The following GRK5 variants were observed in gnomAD, a reference collection of about 807,000 sequenced individuals.
GRK5 encodes the protein g protein-coupled receptor kinase GRK5.
A neutral mutation model predicts 78.4 loss-of-function variants in GRK5; 40 were observed. That is an observed-to-expected ratio of 0.51 (90% confidence interval 0.40 to 0.66). GRK5 has a LOEUF of 0.66. Among genes scored for constraint, GRK5 ranks in the 30% least tolerant of loss-of-function variants. The pLI, the probability that GRK5 is intolerant of heterozygous loss-of-function variation, is 0.00. For synonymous variants in GRK5, 289 were observed against 296.8 expected, an observed-to-expected ratio of 0.97 and a Z score of 0.27; for missense variants, 598 against 759.9, an observed-to-expected ratio of 0.79 and a Z score of 2.50.
In GRK5 at chr10:119,321,740, T is replaced by TC. The variant is rs1162274182; in HGVS notation, c.53-4771dup. Among the ~76,000 whole-genome samples, 9 of 152,118 alleles carry TC rather than the reference T, an allele frequency of 5.9e-5. No individual in the cohort carries two copies. In the South Asian group the frequency reaches 6.2e-4, roughly 11 times the overall value. On this transcript the variant is annotated intron_variant, in intron 1 of 15. Coordinates refer to ENST00000392870, the MANE Select transcript of GRK5 (RefSeq NM_005308.3). ...GAGGGCGTTATCCTGCCCACCACAG[T>TC]CCCCCTGCCCTATTCTGGAAGCTGA...
In GRK5 at chr10:119,379,028, G is replaced by A. The variant is rs926193228; in HGVS notation, c.149-1787G>A. ...TGCCTGTCTCCGTAGCATGGGAGGC[G>A]TCAGCTCCCCTTTTAGATTCAGAGG... On this transcript the variant is annotated intron_variant, in intron 2 of 15. Transcript: ENST00000392870. The surrounding 1 kb of genome is among the most constrained non-coding windows in gnomAD (Gnocchi z 4.1). Among the ~76,000 whole-genome samples, 2 of 152,222 alleles carry A rather than the reference G, an allele frequency of 1.3e-5. No homozygotes were observed. Among genetic ancestry groups the A allele is most frequent in the African/African-American group, 4.8e-5 (2 of 41,458 alleles).
chr10:119,306,957 C>T (rs1330942023), intron 1 of GRK5, among the ~76,000 whole-genome samples: 2 of 152,046 alleles, frequency 1.3e-5, no homozygotes, highest in Non-Finnish European at 2.9e-5. Flanking sequence ...CTCACTTTTT[C>T]TCCCTGGGCC....
At chr10:119,214,566 C>CTGTA (rs957927468) in intron 1 of GRK5, among the ~76,000 whole-genome samples, 15 of 152,218 alleles carry the variant, frequency 9.9e-5, no homozygotes, top group African/African-American at 3.6e-4. Context: ...GTCACCCAGT[C>CTGTA]TGTAGTGCAG....
In GRK5 at chr10:119,428,701, A is replaced by T. The variant is rs530098301; in HGVS notation, c.534-1674A>T. Among the ~76,000 whole-genome samples the T allele has an allele frequency of 6.6e-5, 10 of 152,256 alleles. No homozygotes were observed. The South Asian group carries it at 1.9e-3, about 28-fold the overall frequency. On this transcript the variant is annotated intron_variant, in intron 6 of 15. Coordinates refer to ENST00000392870, the MANE Select transcript of GRK5 (RefSeq NM_005308.3). ...TGCACCAAACACATGAAATGGAGAA[A>T]TTATCCTTTTTACTCTGTGGCCTGA...
intron 1 of GRK5, among the ~76,000 whole-genome samples, chr10:119,224,570 C>G (rs554756419): frequency 6.6e-6 from 1 of 151,970 alleles, no homozygotes. Context: ...CCACCATGCC[C>G]GGCTAACTTT....
rs867976071 is a variant in GRK5, at chr10:119,264,340, T to A, written c.52+56371T>A. The stretch of plus-strand genomic sequence containing the variant: ...CAGGGCATTTGTTGGCACATGTGCT[T>A]GGGAAGTTGAGTCCTGGGTGGGGCT... On this transcript the variant is annotated intron_variant, in intron 1 of 15. Transcript: ENST00000392870. The surrounding 1 kb of genome is among the most constrained non-coding windows in gnomAD (Gnocchi z 4.1). Among the ~76,000 whole-genome samples, 1 of 152,194 alleles carries A rather than the reference T, an allele frequency of 6.6e-6. No homozygotes were observed. Among genetic ancestry groups the A allele is most frequent in the East Asian group, 1.9e-4 (1 of 5,192 alleles).
chr10:119,207,906 C>G lies in GRK5; in HGVS notation c.-12C>G. ...CCCGCCGGCCGGCTCCGTTGCTGAC[C>G]GCCGACTGTCAATGGAGCTGGAAAA... On this transcript the variant is annotated 5_prime_UTR_variant, in exon 1 of 16. Transcript: ENST00000392870. The G allele has an allele frequency of 6.3e-7, 1 of 1,596,906 alleles. No individual in the cohort carries two copies. The highest frequency in any genetic ancestry group is 8.5e-7 in the Non-Finnish European group (1 of 1,173,458).
At chr10:119,360,782 G>T (rs1417414209) in intron 2 of GRK5, among the ~76,000 whole-genome samples, 1 of 152,188 alleles carries the variant, frequency 6.6e-6, no homozygotes, top group Admixed American at 6.5e-5. Flanking sequence ...CCGGCCCGGG[G>T]CCCTTTGCTC....
chr10:119,226,200 G>A (rs1300237470), intron 1 of GRK5, among the ~76,000 whole-genome samples: 9 of 151,452 alleles, frequency 5.9e-5, no homozygotes, highest in Admixed American at 5.9e-4. Flanking sequence ...GTCTGGGCTC[G>A]AACTCCTGAC....
chr10:119,446,127 C>T (rs935977082), intron 12 of GRK5, among the ~76,000 whole-genome samples: 3 of 152,144 alleles, frequency 2.0e-5, no homozygotes, highest in South Asian at 4.2e-4. Context: ...CCAGGAAGCC[C>T]GCTCTGCCTG....
At chr10:119,289,740 C>T (rs76962887) in intron 1 of GRK5, among the ~76,000 whole-genome samples, 20,597 of 152,184 alleles carry the variant, frequency 0.14, 1,459 homozygotes, top group Middle Eastern at 0.17. Flanking sequence ...TTTTAGGCAC[C>T]GGCTGAGCTA....
In GRK5 at chr10:119,452,674, C is replaced by T. The variant is rs775975806; in HGVS notation, c.1408C>T (p.Arg470Cys). The T allele has an allele frequency of 6.8e-6, 11 of 1,614,052 alleles. No homozygotes were observed. The highest frequency in any genetic ancestry group is 3.3e-5 in the Admixed American group (2 of 60,028). The change falls in exon 14 of 16, where the codon CGC becomes TGC. Residue 470 changes from arginine to cysteine, a missense_variant. Transcript: ENST00000392870. The surrounding 1 kb of genome is among the most constrained non-coding windows in gnomAD (Gnocchi z 4.4). The part of the protein sequence containing the change: ...MLDPPFVPDP[R>C]AVYCKDVLDI... ...ACCGGCCCTCTGCCCCTGGCAGCCC[C>T]GCGCTGTGTACTGTAAGGACGTGCT...
intron 6 of GRK5, among the ~76,000 whole-genome samples, chr10:119,425,938 C>T (rs1258844260): frequency 6.6e-6 from 1 of 152,126 alleles, no homozygotes; most frequent in Non-Finnish European, 1.5e-5. Context: ...GCCCCCAGCG[C>T]AGTGCTCTGC....
At chr10:119,299,804 G>A (rs996208858) in intron 1 of GRK5, among the ~76,000 whole-genome samples, 24 of 151,626 alleles carry the variant, frequency 1.6e-4, no homozygotes, top group Non-Finnish European at 1.5e-5. Context: ...ATGTGTGTGT[G>A]TGTGTGTGTG....
intron 1 of GRK5, among the ~76,000 whole-genome samples, chr10:119,297,420 CA>C (rs1342961567): frequency 2.0e-5 from 3 of 152,308 alleles, no homozygotes; most frequent in Non-Finnish European, 4.4e-5. Flanking sequence ...CCCCACTGTA[CA>C]GAGGTCAGAT....
intron 1 of GRK5, among the ~76,000 whole-genome samples, chr10:119,316,499 G>A (rs532250323): frequency 6.6e-6 from 1 of 152,288 alleles, no homozygotes; most frequent in East Asian, 1.9e-4. Flanking sequence ...CACAAGGGTG[G>A]GGGTCCCCAG....
intron 4 of GRK5, among the ~76,000 whole-genome samples, chr10:119,397,620 G>A (rs753620446): frequency 5.9e-5 from 9 of 152,214 alleles, no homozygotes; most frequent in South Asian, 2.1e-4. Flanking sequence ...CCAGCTCCCC[G>A]GAAGAGTATA....
chr10:119,313,916 C>T (rs1163602311), intron 1 of GRK5, among the ~76,000 whole-genome samples: 10 of 152,158 alleles, frequency 6.6e-5, no homozygotes, highest in African/African-American at 4.8e-5. Flanking sequence ...GTGTTGTGGC[C>T]GTGAGGAGGG....
chr10:119,400,842 A>G (rs1852137681), intron 4 of GRK5, among the ~76,000 whole-genome samples: 1 of 152,220 alleles, frequency 6.6e-6, no homozygotes, highest in Non-Finnish European at 1.5e-5. Flanking sequence ...ATGGGGAGGA[A>G]CAAAGGGCCT....
Sources: allele counts gnomAD v4.1 joint callset (sites outside exome capture counted in the v4.1 genomes callset), GRCh38; gene constraint gnomAD v4.1.1; non-coding constraint Gnocchi (gnomAD v3.1); transcripts MANE v1.5; gene names NCBI Gene and HGNC (gene_info 2026-07-23, HGNC 2026-07-21).